TMEM150B: variants seen among roughly 807,000 people sequenced by gnomAD.
TMEM150B encodes transmembrane protein 150B, also known as modulator of macroautophagy TMEM150B.
A neutral mutation model predicts 25.2 loss-of-function variants in TMEM150B; 33 were observed. That is an observed-to-expected ratio of 1.31 (90% CI 0.99 to 1.75). The LOEUF is 1.75. TMEM150B is among the 40% of genes most tolerant of loss of function. The pLI, the probability that TMEM150B is intolerant of heterozygous loss-of-function variation, is 0.00. For missense variants in TMEM150B, 322 were observed against 306.1 expected, an observed-to-expected ratio of 1.05 and a Z score of -0.39; for synonymous variants, 133 against 134.8, an observed-to-expected ratio of 0.99 and a Z score of 0.09.
At chr19:55,315,595 A>G (rs1297960334) in intron 7 of TMEM150B, among the ~76,000 whole-genome samples, 5 of 151,904 alleles carry the variant, frequency 3.3e-5, no homozygotes, top group Admixed American at 3.3e-4. Context: ...CCCTGTCCCT[A>G]CTAAAAATAC....
At chr19:55,322,381 C>T (rs929644257) in intron 2 of TMEM150B, among the ~76,000 whole-genome samples, 1 of 152,124 alleles carries the variant, frequency 6.6e-6, no homozygotes, top group Admixed American at 6.6e-5. Flanking sequence ...TCTCTCCTCC[C>T]CTTCACACCT....
At chr19:55,321,166 C>T (rs1359543048) in intron 2 of TMEM150B, 73 bp from the exon 3 acceptor site, 1 of 1,458,546 alleles carries the variant, frequency 6.9e-7, no homozygotes. Context: ...CCGCTTGGCT[C>T]TCAGGCAGAA....
rs1187738060 is a variant in TMEM150B, at chr19:55,312,885, G to C, written c.676C>G (p.Pro226Ala). 1.3e-6 allele frequency: 2 copies of C among 1,598,474 alleles called. No homozygotes were observed. Among genetic ancestry groups the C allele is most frequent in the Non-Finnish European group, 1.7e-6 (2 of 1,173,718 alleles). The change falls in exon 8 of 8, where the codon CCC (proline) becomes GCC (alanine). Residue 226 changes from proline (P) to alanine (A), a missense_variant. Transcript: ENST00000326652. ...WPSLSPPPAS[P>A]ISLPVQL ...TACAGCTGGACCGGCAGGGAGATGG[G>C]GGAGGCCGGCGGGGGGCTGAGGCTG...
rs986954121 is a variant in TMEM150B at position 55,322,661 on chromosome 19, C to T, written c.-71G>A. ...CAGGATGCTCACCTCTCCAAGCTTC[C>T]TGGGGCTCTCAGTCCTGGAGCTGGG... On this transcript the variant is annotated 5_prime_UTR_variant, in exon 2 of 8. Transcript: ENST00000326652. 39 of 985,178 alleles carry T rather than the reference C, an allele frequency of 4.0e-5. No homozygotes were observed. The highest frequency in any genetic ancestry group is 4.6e-5 in the Non-Finnish European group (38 of 829,924). The allele number at this position is 985,178 out of a possible 1,614,324, so 61.0% of individuals were successfully genotyped here.
At chr19:55,324,821 C>T (rs2089293746) in intron 1 of TMEM150B, 1 of 985,248 alleles carries the variant, frequency 1.0e-6, no homozygotes, top group African/African-American at 1.7e-5. Flanking sequence ...TCCGTTTGCC[C>T]AGACATGAAT....
chr19:55,312,459 C>T (rs71368837), downstream of TMEM150B: 4 of 137,200 alleles, frequency 2.9e-5, no homozygotes, highest in Non-Finnish European at 4.0e-5. Flanking sequence ...ACCTTCTGTA[C>T]GGATTTGCTC....
chr19:55,316,965 T>C lies in TMEM150B; in HGVS notation c.326A>G (p.Glu109Gly). ...LGTSVVGNFQ[E>G]KNQRPTHLAG... ...CAAGTGCGTAGGCCGCTGGTTCTTT[T>C]CCTGGGAGGAGAAGGGAGAAGTTGG... is the stretch of plus-strand genomic sequence containing the variant. Residue 109 changes from glutamate to glycine, a missense_variant and splice_region_variant, in exon 7 of 8, where the codon GAA (glutamate) becomes GGA (glycine). Glu to Gly is a moderately conservative substitution (Grantham distance 98). Transcript: ENST00000326652. The C allele has an allele frequency of 1.3e-6, 2 of 1,597,180 alleles. No homozygotes were observed. The highest frequency in any genetic ancestry group is 1.8e-5 in the Admixed American group (1 of 55,522).
chr19:55,311,208 T>C (rs1365870346), downstream of TMEM150B, among the ~76,000 whole-genome samples: 1 of 152,150 alleles, frequency 6.6e-6, no homozygotes, highest in African/African-American at 2.4e-5. Context: ...GTGATCTGCC[T>C]GCCTCAGCCT....
Position 55,322,657 on chromosome 19 carries a change from C to T in TMEM150B, c.-67G>A. Reference sequence around the variant, plus strand: ...TCCCCAGGATGCTCACCTCTCCAAGCTTCCTGGGGCTCTCAGTCCTGGAGC... The same window carrying T: ...TCCCCAGGATGCTCACCTCTCCAAGTTTCCTGGGGCTCTCAGTCCTGGAGC... On this transcript the variant is annotated 5_prime_UTR_variant, in exon 2 of 8. Transcript: ENST00000326652. 2.0e-6 allele frequency: 2 copies of T among 985,306 alleles called. No homozygotes were observed. Among genetic ancestry groups the T allele is most frequent in the Non-Finnish European group, 2.4e-6 (2 of 829,904 alleles). The allele number at this position is 985,306 out of a possible 1,614,324, so 61.0% of individuals were successfully genotyped here.
Position 55,316,854 on chromosome 19 carries a change from G to T in TMEM150B, c.437C>A (p.Pro146His), listed in dbSNP as rs770740724. 4 of 1,594,436 alleles carry T rather than the reference G, an allele frequency of 2.5e-6. No homozygotes were observed. In the East Asian group the frequency reaches 6.9e-5, roughly 27 times the overall value. ...LLWRLKRLPQ[P>H]GAAWIGPLRL... ...GAGGGGCCCAATCCAGGCAGCCCCG[G>T]GCTGGGGCAGCCTCTTCAGCCTCCA... The change falls in exon 7 of 8, where the codon CCC becomes CAC. Residue 146 changes from proline to histidine, a missense_variant. By Grantham distance (77) the Pro-to-His change is moderately conservative. Transcript: ENST00000326652.
chr19:55,314,666 C>T (rs1214081116), intron 7 of TMEM150B, among the ~76,000 whole-genome samples: 1 of 142,914 alleles, frequency 7.0e-6, no homozygotes. Context: ...AACTGATCAT[C>T]AGGGCTAGTT....
chr19:55,316,006 A>G (rs1373646653), intron 7 of TMEM150B, among the ~76,000 whole-genome samples: 2 of 128,326 alleles, frequency 1.6e-5, no homozygotes, highest in African/African-American at 5.8e-5. Flanking sequence ...GGCCTCAGAG[A>G]GTGACCTGAC....
intron 6 of TMEM150B, chr19:55,319,359 T>C (rs1348752276): frequency 6.7e-6 from 1 of 149,306 alleles, no homozygotes; most frequent in Non-Finnish European, 1.5e-5. Context: ...GTGATCCACC[T>C]ACCTTGGCTT....
intron 1 of TMEM150B, among the ~76,000 whole-genome samples, chr19:55,323,822 T>TTTC (rs1307964574): frequency 6.9e-6 from 1 of 145,226 alleles, no homozygotes; most frequent in African/African-American, 2.6e-5. Flanking sequence ...TTTTTTTTTT[T>TTTC]CTGAAACAGA....
chr19:55,314,644 C>T (rs1164062323), intron 7 of TMEM150B, among the ~76,000 whole-genome samples: 2 of 151,926 alleles, frequency 1.3e-5, no homozygotes, highest in African/African-American at 4.8e-5. Context: ...AGAATGAAGG[C>T]CCCTGTGGCT....
Position 55,314,453 on chromosome 19 carries a change from G to A in TMEM150B, c.506-1398C>T, listed in dbSNP as rs185061544. Among the ~76,000 whole-genome samples the A allele has an allele frequency of 8.1e-4, 123 of 152,244 alleles. 1 individual carries two copies. The highest frequency in any genetic ancestry group is 2.9e-3 in the African/African-American group (119 of 41,526). On this transcript the variant is annotated intron_variant, in intron 7 of 7. Transcript: ENST00000326652. ...CTGGGCTGGTCTTTCTGCTCGGTGC[G>A]TGTACCTGCAGTGTGCCCTCAACCT...
chr19:55,323,869 C>T (rs1255344058), intron 1 of TMEM150B, among the ~76,000 whole-genome samples: 1 of 142,390 alleles, frequency 7.0e-6, no homozygotes, highest in Non-Finnish European at 1.5e-5. Flanking sequence ...TGCAGTGGCA[C>T]AATCTTGGCT....
chr19:55,311,588 G>A (rs929882959), downstream of TMEM150B, among the ~76,000 whole-genome samples: 2 of 152,158 alleles, frequency 1.3e-5, no homozygotes, highest in African/African-American at 2.4e-5. Context: ...GTTTCCTAGC[G>A]AACAGTATCA....
chr19:55,325,173 C>A, intron 1 of TMEM150B, 99 bp downstream of exon 1: 1 of 634,400 alleles, frequency 1.6e-6, no homozygotes, highest in Non-Finnish European at 2.0e-6. Flanking sequence ...GGTGTCCCCA[C>A]GGTGCTTATG....
Sources: allele counts gnomAD v4.1 joint callset (sites outside exome capture counted in the v4.1 genomes callset), GRCh38; gene constraint gnomAD v4.1.1; transcripts MANE v1.5; gene names NCBI Gene and HGNC (gene_info 2026-07-23, HGNC 2026-07-21).